Variants in STAU1 observed in about 807,000 individuals in gnomAD.
STAU1 encodes the protein staufen double-stranded RNA binding protein 1.
Under a neutral mutation model 62.9 loss-of-function variants are expected in STAU1, and 13 were observed. The observed-to-expected ratio is 0.21, with a 90% confidence interval of 0.13 to 0.33. The LOEUF (loss-of-function observed/expected upper bound fraction) is 0.33. STAU1 is among the 10% of genes least tolerant of loss of function. STAU1 has a pLI of 1.00. For missense variants in STAU1, 571 were observed against 712.1 expected (o/e 0.80, Z 2.25); for synonymous variants, 269 against 265.1 (o/e 1.01, Z -0.14).
intron 2 of STAU1, among the ~76,000 whole-genome samples, chr20:49,171,793 A>G (rs2093600731): frequency 6.6e-6 from 1 of 152,196 alleles, no homozygotes; most frequent in South Asian, 2.1e-4. Context: ...ATCGTCTTAT[A>G]GGATCATTTC....
At chr20:49,125,088 A>AAAAAC (rs1555836408) in intron 6 of STAU1, among the ~76,000 whole-genome samples, 1 of 150,362 alleles carries the variant, frequency 6.7e-6, no homozygotes, top group Non-Finnish European at 1.5e-5. Flanking sequence ...AAAAAAAAAA[A>AAAAAC]AAACCCACAA....
chr20:49,185,049 A>AATTTTGAT (rs1219547947), intron 1 of STAU1, among the ~76,000 whole-genome samples: 2 of 152,230 alleles, frequency 1.3e-5, no homozygotes, highest in Admixed American at 6.5e-5. Flanking sequence ...ATTTCATACT[A>AATTTTGAT]TTCACAAAAA....
At chr20:49,142,807 A>AT (rs948061728) in intron 5 of STAU1, among the ~76,000 whole-genome samples, 9 of 152,050 alleles carry the variant, frequency 5.9e-5, no homozygotes, top group Middle Eastern at 6.8e-3. Flanking sequence ...CTTTTACACA[A>AT]TTTTTTTCTT....
chr20:49,193,325 C>T (rs1254606220), upstream of STAU1, among the ~76,000 whole-genome samples: 1 of 150,948 alleles, frequency 6.6e-6, no homozygotes, highest in African/African-American at 2.4e-5. Flanking sequence ...TGCAGTGAGC[C>T]GAGATCACAC....
intron 6 of STAU1, among the ~76,000 whole-genome samples, chr20:49,132,879 A>C (rs1405930195): frequency 6.6e-6 from 1 of 152,232 alleles, no homozygotes; most frequent in Non-Finnish European, 1.5e-5. Context: ...AATTACCAAA[A>C]ACTTAATCAA....
At chr20:49,156,389 A>G (rs1166478296) in intron 3 of STAU1, among the ~76,000 whole-genome samples, 3 of 152,180 alleles carry the variant, frequency 2.0e-5, no homozygotes, top group Non-Finnish European at 4.4e-5. Context: ...AAAAATAAGC[A>G]TTTGTCACTG....
rs746224804 is a variant in STAU1 at position 49,117,990 on chromosome 20, T to C, written c.1296A>G (p.Gln432=). The C allele has an allele frequency of 6.2e-7, 1 of 1,614,186 alleles. No homozygotes were observed. The highest frequency in any genetic ancestry group is 8.5e-7 in the Non-Finnish European group (1 of 1,180,034). ...TGGTAAAATCTTTGGTGTGATGTCCTTGACTAACTCCTACAGCCTGGGCGA... is the reference window on the plus strand; with the variant it reads ...TGGTAAAATCTTTGGTGTGATGTCCCTGACTAACTCCTACAGCCTGGGCGA... ...PEVAQAVGVS[Q]GHHTKDFTRA... is the part of the protein sequence containing the mutation. The change falls in exon 11 of 14, where the codon CAA becomes CAG. Residue 432 remains glutamine (Q), a synonymous_variant. Transcript: ENST00000371856. The surrounding 1 kb of genome is among the most constrained non-coding windows in gnomAD (Gnocchi z 4.6).
In STAU1 at chr20:49,179,821, A is replaced by T. The variant is rs998961867; in HGVS notation, c.-159-5552T>A. Among the ~76,000 whole-genome samples the T allele has an allele frequency of 8.5e-5, 13 of 152,244 alleles. No individual in the cohort carries two copies. In the East Asian group the frequency reaches 2.1e-3, roughly 25 times the overall value. Reference sequence around the variant, plus strand: ...GAGCTAATATAGTGACAATGTAAGCAGCATTATCTGCTCACTTCATGCCAA... The same window carrying T: ...GAGCTAATATAGTGACAATGTAAGCTGCATTATCTGCTCACTTCATGCCAA... On this transcript the variant is annotated intron_variant, in intron 1 of 13. Coordinates refer to ENST00000371856, the MANE Select transcript of STAU1 (RefSeq NM_017453.4).
the STAU1 span, among the ~76,000 whole-genome samples, chr20:49,212,548 T>C: frequency 2.0e-5 from 3 of 152,000 alleles, no homozygotes; most frequent in East Asian, 5.8e-4. Flanking sequence ...GTTTGGTTTG[T>C]AGTTGTTGAG....
At chr20:49,164,226 T>C (rs1239117211) in intron 3 of STAU1, among the ~76,000 whole-genome samples, 2 of 151,896 alleles carry the variant, frequency 1.3e-5, no homozygotes, top group African/African-American at 2.4e-5. Context: ...TGAGACTCTG[T>C]CTCATAAATA....
intron 3 of STAU1, among the ~76,000 whole-genome samples, chr20:49,155,518 T>C (rs983975051): frequency 1.6e-4 from 25 of 152,092 alleles, no homozygotes; most frequent in African/African-American, 5.8e-4. Context: ...AACAGAACAC[T>C]AGAAATGGCA....
chr20:49,177,037 G>A (rs535677465), intron 1 of STAU1, among the ~76,000 whole-genome samples: 45 of 151,338 alleles, frequency 3.0e-4, no homozygotes, highest in Non-Finnish European at 5.6e-4. Flanking sequence ...TCAGCCTCCC[G>A]AGTAGCTGGG....
chr20:49,202,907 G>A, the STAU1 span, among the ~76,000 whole-genome samples: 1 of 149,788 alleles, frequency 6.7e-6, no homozygotes, highest in Non-Finnish European at 1.5e-5. Flanking sequence ...CAGCAAGGTG[G>A]TACGCCTGCC....
chr20:49,216,551 A>C, the STAU1 span, among the ~76,000 whole-genome samples: 3 of 117,602 alleles, frequency 2.6e-5, no homozygotes, highest in African/African-American at 7.8e-5. Flanking sequence ...TAATTAAAAA[A>C]AATTAAAAAC....
chr20:49,129,518 T>A (rs1328960999), intron 6 of STAU1, among the ~76,000 whole-genome samples: 1 of 151,522 alleles, frequency 6.6e-6, no homozygotes, highest in Non-Finnish European at 1.5e-5. Context: ...ACTAAAATTT[T>A]AAAAGCTGAC....
intron 3 of STAU1, among the ~76,000 whole-genome samples, 196 bp downstream of exon 3, chr20:49,165,801 C>A (rs1568914420): frequency 7.1e-6 from 1 of 141,142 alleles, no homozygotes; most frequent in Non-Finnish European, 1.6e-5. Context: ...AACCTACAAT[C>A]GTCTGTCAAC....
intron 3 of STAU1, chr20:49,159,197 C>A (rs898718700): frequency 3.9e-6 from 4 of 1,038,806 alleles, no homozygotes; most frequent in Non-Finnish European, 3.5e-6. Flanking sequence ...TCTTGCCTTT[C>A]TCTAGGACTT....
chr20:49,123,149 T>C lies in STAU1; in HGVS notation c.909A>G (p.Pro303=). The C allele has an allele frequency of 6.2e-7, 1 of 1,614,144 alleles. No homozygotes were observed. Among genetic ancestry groups the C allele is most frequent in the Non-Finnish European group, 8.5e-7 (1 of 1,179,998 alleles). ...CTCGCTCTGTGAGGAGCGTGTACTC[T>C]GGCTCCTTCTCCTTTTTTGCCTGCT... ...QIQQAKKEKE[P]EYTLLTERGL... Residue 303 remains proline, a synonymous_variant, in exon 8 of 14, where the codon CCA becomes CCG. Coordinates refer to ENST00000371856, the MANE Select transcript of STAU1 (RefSeq NM_017453.4).
chr20:49,158,933 C>T lies in STAU1; in HGVS notation c.206-4862G>A, dbSNP rs113390617. 9.5e-3 allele frequency: 11,654 copies of T among 1,225,690 alleles called. 782 individuals carry two copies. The African/African-American group carries it at 0.17, about 17-fold the overall frequency. 75.9% of individuals were successfully genotyped at this position (1,225,690 alleles called of 1,614,324 possible). ...TAAATAAATAAATAAATAAATAATC[C>T]TTTACCCCCCTTGACACTTCACACA... On this transcript the variant is annotated intron_variant, in intron 3 of 13. Transcript: ENST00000371856.
Sources: gnomAD v4.1 joint callset for allele counts (sites outside exome capture counted in the v4.1 genomes callset) on GRCh38, gnomAD v4.1.1 for gene constraint, Gnocchi (gnomAD v3.1) non-coding constraint, MANE v1.5 for transcripts, NCBI Gene and HGNC (gene_info 2026-07-23, HGNC 2026-07-21) for gene names.